Variants in ANK3 observed in about 807,000 individuals in gnomAD.
ANK3 encodes the protein ankyrin-3.
A neutral mutation model predicts 370.9 loss-of-function variants in ANK3; 57 were observed. The observed-to-expected ratio is 0.15, with a 90% CI of 0.12 to 0.19. The LOEUF (loss-of-function observed/expected upper bound fraction) is 0.19, where lower values mean the gene tolerates loss of function less well. ANK3 is among the 10% of genes least tolerant of loss of function. The pLI is 1.00. For synonymous variants in ANK3, 1,929 were observed against 1,946.3 expected (o/e 0.99, Z 0.23); for missense variants, 4,439 against 5,302.1 (o/e 0.84, Z 5.06).
chr10:60,447,835 C>G (rs2133030252), intron 2 of ANK3, among the ~76,000 whole-genome samples: 1 of 152,200 alleles, frequency 6.6e-6, no homozygotes, highest in East Asian at 1.9e-4. Flanking sequence ...AGTGACTTAA[C>G]CTTGCTGTGT....
chr10:60,649,590 AG>A (rs1196640405), intron 1 of ANK3, among the ~76,000 whole-genome samples: 1 of 152,216 alleles, frequency 6.6e-6, no homozygotes, highest in Non-Finnish European at 1.5e-5. Context: ...ATCTAGAACT[AG>A]TTCTCCCAAT....
At chr10:60,441,700 C>T (rs1473144740) in intron 2 of ANK3, among the ~76,000 whole-genome samples, 2 of 152,158 alleles carry the variant, frequency 1.3e-5, no homozygotes, top group Non-Finnish European at 2.9e-5. Context: ...TGTTTTGTTG[C>T]TATTCACAAC....
chr10:60,405,756 A>G (rs1470924946), intron 2 of ANK3, among the ~76,000 whole-genome samples: 1 of 152,264 alleles, frequency 6.6e-6, no homozygotes, highest in Admixed American at 6.5e-5. Context: ...AAAGAAAGAT[A>G]AATTAATGAA....
intron 1 of ANK3, among the ~76,000 whole-genome samples, chr10:60,643,500 A>ATATCTATC (rs61461746): frequency 0.054 from 7,948 of 146,678 alleles, 290 homozygotes; most frequent in African/African-American, 0.075. Flanking sequence ...ACTCCCCTTT[A>ATATCTATC]TATCTATCTA....
chr10:60,633,161 A>T (rs1005425706), intron 1 of ANK3, among the ~76,000 whole-genome samples: 17 of 152,188 alleles, frequency 1.1e-4, no homozygotes, highest in African/African-American at 3.9e-4. Flanking sequence ...TTTCCACCTA[A>T]ATTAAATCCA....
rs578106901 is a variant in ANK3 at position 60,137,221 on chromosome 10, A to G, written c.2738+1743T>C. ...ATGTTTCTAAAGCTTTTGAGCAGAAAAAAAGAAAGCACATCGCAGCACATC... is the reference window on the plus strand; with the variant it reads ...ATGTTTCTAAAGCTTTTGAGCAGAAGAAAAGAAAGCACATCGCAGCACATC... On this transcript the variant is annotated intron_variant, in intron 24 of 43. Coordinates refer to ENST00000280772, the MANE Select transcript of ANK3 (RefSeq NM_020987.5). 2.9e-4 allele frequency: 53 copies of G among 182,110 alleles called. No homozygotes were observed. The East Asian group carries it at 8.2e-3, about 28-fold the overall frequency. 11.3% of individuals were successfully genotyped at this position (182,110 alleles called of 1,614,324 possible). A position where few individuals can be genotyped will look rare whatever the true frequency, so the allele number is the denominator to read the frequency against.
At chr10:60,604,266 C>T (rs978258402) in intron 2 of ANK3, among the ~76,000 whole-genome samples, 5 of 152,168 alleles carry the variant, frequency 3.3e-5, no homozygotes, top group African/African-American at 1.2e-4. Flanking sequence ...AGTATTGTGA[C>T]ATCATCATGT....
At chr10:60,265,691 TA>T (rs1227422606) in intron 5 of ANK3, among the ~76,000 whole-genome samples, 1 of 152,138 alleles carries the variant, frequency 6.6e-6, no homozygotes, top group Non-Finnish European at 1.5e-5. Context: ...TAGGAGCACA[TA>T]TGCACCAAGG....
At chr10:60,684,595 G>C in intron 1 of ANK3, 1 of 1,589,370 alleles carries the variant, frequency 6.3e-7, no homozygotes, top group East Asian at 2.3e-5. Flanking sequence ...TTTGGACTGT[G>C]CTGGAAAGAC....
At chr10:60,209,906 T>G (rs979276913) in intron 9 of ANK3, among the ~76,000 whole-genome samples, 1 of 152,028 alleles carries the variant, frequency 6.6e-6, no homozygotes, top group Non-Finnish European at 1.5e-5. Context: ...ATTGTGTGGA[T>G]GGGAAACTTA....
intron 2 of ANK3, among the ~76,000 whole-genome samples, chr10:60,600,385 C>T (rs114139960): frequency 7.6e-4 from 115 of 152,270 alleles, no homozygotes; most frequent in African/African-American, 2.6e-3. Flanking sequence ...CCTGCATACC[C>T]AGACTTCAGT....
At chr10:60,695,699 C>A (rs997912152) in intron 1 of ANK3, among the ~76,000 whole-genome samples, 4 of 152,122 alleles carry the variant, frequency 2.6e-5, no homozygotes, top group African/African-American at 9.7e-5. Flanking sequence ...TTCTTTGAAA[C>A]CAATGAGAAC....
At chr10:60,505,052 G>A (rs2075899992) in intron 2 of ANK3, among the ~76,000 whole-genome samples, 2 of 152,200 alleles carry the variant, frequency 1.3e-5, no homozygotes, top group African/African-American at 4.8e-5. Context: ...GCATTTAAAA[G>A]CAAATGATAT....
chr10:60,391,833 T>G (rs2063118501), upstream of ANK3, among the ~76,000 whole-genome samples: 2 of 152,370 alleles, frequency 1.3e-5, no homozygotes, highest in South Asian at 4.1e-4. Flanking sequence ...TTCCCCCAAA[T>G]GTTCAGAAGT....
intron 2 of ANK3, among the ~76,000 whole-genome samples, chr10:60,407,334 G>C (rs1003957143): frequency 6.6e-6 from 1 of 152,148 alleles, no homozygotes; most frequent in African/African-American, 2.4e-5. Flanking sequence ...AGGAAATGGA[G>C]GCAGGAAAAT....
intron 8 of ANK3, among the ~76,000 whole-genome samples, chr10:60,217,720 T>C (rs2096963871): frequency 6.6e-6 from 1 of 152,198 alleles, no homozygotes; most frequent in Non-Finnish European, 1.5e-5. Flanking sequence ...CAGAGAAGAA[T>C]GTGTATTCTG....
chr10:60,639,351 T>C (rs1462797948), intron 1 of ANK3, among the ~76,000 whole-genome samples: 1 of 151,344 alleles, frequency 6.6e-6, no homozygotes, highest in Admixed American at 6.6e-5. Context: ...TTATTACCAC[T>C]AGACCTCCAC....
chr10:60,494,624 G>A (rs1276469985), intron 2 of ANK3, among the ~76,000 whole-genome samples: 1 of 152,044 alleles, frequency 6.6e-6, no homozygotes, highest in East Asian at 1.9e-4. Context: ...AACAAGGTAA[G>A]GTGTTTTCTT....
chr10:60,226,585 ATG>A (rs2097166465), intron 8 of ANK3, among the ~76,000 whole-genome samples: 1 of 84,888 alleles, frequency 1.2e-5, no homozygotes, highest in Non-Finnish European at 2.0e-5. Flanking sequence ...TATATATACT[ATG>A]TATATATACT....
Sources: allele counts gnomAD v4.1 joint callset (sites outside exome capture counted in the v4.1 genomes callset), GRCh38; gene constraint gnomAD v4.1.1; transcripts MANE v1.5; gene names NCBI Gene and HGNC (gene_info 2026-07-23, HGNC 2026-07-21).